PTPRG: variants seen among roughly 807,000 people sequenced by gnomAD.
PTPRG encodes the protein protein tyrosine phosphatase receptor type G, also known as receptor-type tyrosine-protein phosphatase gamma.
Under a neutral mutation model 165.3 loss-of-function variants are expected in PTPRG, and 102 were observed. The ratio of observed to expected loss-of-function variants is 0.62; its 90% confidence interval spans 0.53 to 0.73. The LOEUF (loss-of-function observed/expected upper bound fraction) is 0.73. Among genes scored for constraint, PTPRG ranks in the 30% least tolerant of loss-of-function variants. PTPRG has a pLI of 0.00. For synonymous variants in PTPRG, 675 were observed against 669.5 expected, an observed-to-expected ratio of 1.01 and a Z score of -0.13; for missense variants, 1,866 against 1,861.4, an observed-to-expected ratio of 1.00 and a Z score of -0.05.
intron 2 of PTPRG, among the ~76,000 whole-genome samples, chr3:61,890,864 T>C (rs1031383707): frequency 2.0e-5 from 3 of 152,218 alleles, no homozygotes; most frequent in African/African-American, 4.8e-5. Context: ...CTACAAATAA[T>C]GTTTTGTTAC....
intron 2 of PTPRG, among the ~76,000 whole-genome samples, chr3:61,795,464 A>G (rs576726493): frequency 8.8e-4 from 133 of 151,790 alleles, no homozygotes; most frequent in African/African-American, 3.2e-3. Flanking sequence ...ACATGGTGAA[A>G]CCCCATCTCT....
At chr3:61,620,316 A>G (rs1701414380) in intron 1 of PTPRG, among the ~76,000 whole-genome samples, 1 of 152,186 alleles carries the variant, frequency 6.6e-6, no homozygotes. Flanking sequence ...TAATCTTTCA[A>G]AAAAAATTTT....
At chr3:62,162,999 C>T (rs1027312098) in intron 7 of PTPRG, among the ~76,000 whole-genome samples, 1 of 152,144 alleles carries the variant, frequency 6.6e-6, no homozygotes, top group Non-Finnish European at 1.5e-5. Flanking sequence ...AGGAAACTTA[C>T]AATCATGGCG....
At chr3:61,613,426 T>C (rs898966683) in intron 1 of PTPRG, among the ~76,000 whole-genome samples, 8 of 152,202 alleles carry the variant, frequency 5.3e-5, no homozygotes, top group Non-Finnish European at 7.3e-5. Flanking sequence ...AGCACTGCTG[T>C]CACAATTAAA....
intron 1 of PTPRG, among the ~76,000 whole-genome samples, chr3:61,590,545 TA>T (rs1700544087): frequency 1.3e-5 from 2 of 151,896 alleles, no homozygotes; most frequent in South Asian, 2.1e-4. Flanking sequence ...GTATAATACA[TA>T]AATACGTTTT....
intron 5 of PTPRG, among the ~76,000 whole-genome samples, chr3:62,093,193 A>G (rs2661884): frequency 0.2 from 29,891 of 152,118 alleles, 2,981 homozygotes; most frequent in South Asian, 0.28. Context: ...AGATCCCTTG[A>G]GGTCCCTTAA....
Position 61,979,983 on chromosome 3 carries a change from C to T in PTPRG, c.191-9642C>T, listed in dbSNP as rs539341007. Among the ~76,000 whole-genome samples, 332 of 152,018 alleles carry T rather than the reference C, an allele frequency of 2.2e-3. 2 individuals are homozygous for T. The highest frequency in any genetic ancestry group is 7.7e-3 in the African/African-American group (321 of 41,448). On this transcript the variant is annotated intron_variant, in intron 2 of 29. Coordinates refer to ENST00000474889, the MANE Select transcript of PTPRG (RefSeq NM_002841.4). ...GTCAGTGGGTAGGTATACAGACCCT[C>T]AGCCCTCCTAAACACCAAACTCCCA... is the stretch of plus-strand genomic sequence containing the variant.
At chr3:62,208,892 A>G (rs1700291529) in intron 12 of PTPRG, among the ~76,000 whole-genome samples, 1 of 152,204 alleles carries the variant, frequency 6.6e-6, no homozygotes, top group South Asian at 2.1e-4. Flanking sequence ...TGAATGTCGT[A>G]CTTTGTTGCT....
rs1199627841 is a variant in PTPRG at position 62,183,330 on chromosome 3, G to A, written c.1034-8139G>A. Reference sequence around the variant, plus strand: ...TGTAATCTCAACACTTTGAGAGGCCGAAGTGGGTGGATCACTTGAGGTCAG... The same window carrying A: ...TGTAATCTCAACACTTTGAGAGGCCAAAGTGGGTGGATCACTTGAGGTCAG... On this transcript the variant is annotated intron_variant, in intron 8 of 29. Coordinates refer to ENST00000474889, the MANE Select transcript of PTPRG (RefSeq NM_002841.4). Among the ~76,000 whole-genome samples the A allele has an allele frequency of 2.6e-5, 4 of 152,132 alleles. No individual in the cohort carries two copies. In the East Asian group the frequency reaches 5.8e-4, roughly 22 times the overall value.
chr3:61,603,554 A>G (rs879767538), intron 1 of PTPRG, among the ~76,000 whole-genome samples: 6 of 152,190 alleles, frequency 3.9e-5, no homozygotes, highest in Non-Finnish European at 4.4e-5. Context: ...TAGCAATGCA[A>G]TCATGGCCTA....
In PTPRG at chr3:62,191,470, T is replaced by C; in HGVS notation, c.1035T>C (p.Val345=). 6.2e-7 allele frequency: 1 copy of C among 1,613,390 alleles called. No homozygotes were observed. The highest frequency in any genetic ancestry group is 8.5e-7 in the Non-Finnish European group (1 of 1,179,828). The part of the protein sequence containing the change: ...ENPLGTEASK[V]CSSPPIHMKV... ...GAGCTGAGCCCTGTGTATCTTCAGT[T>C]TGCAGCTCTCCACCCATCCACATGA... The change falls in exon 9 of 30, where the codon GTT becomes GTC. Residue 345 remains valine (V), a splice_region_variant and synonymous_variant. Transcript: ENST00000474889.
chr3:61,987,179 T>C (rs1012272867), intron 2 of PTPRG, among the ~76,000 whole-genome samples: 8 of 152,162 alleles, frequency 5.3e-5, no homozygotes, highest in African/African-American at 1.9e-4. Context: ...AAGGCAAGGG[T>C]GTCTGAAGCA....
At position 61,604,300 on chromosome 3, in the gene PTPRG, G is replaced by A. The variant is rs142224279; in HGVS notation, c.85+41928G>A. Among the ~76,000 whole-genome samples, 590 of 152,338 alleles carry A rather than the reference G, an allele frequency of 3.9e-3. 3 individuals are homozygous for A. Among genetic ancestry groups the A allele is most frequent in the African/African-American group, 0.013 (555 of 41,578 alleles). ...GATTGCACCACTGCACTCCAACCTA[G>A]GTGACAGGGTGAGACTCCGTCTCAA... On this transcript the variant is annotated intron_variant, in intron 1 of 29. Coordinates refer to ENST00000474889, the MANE Select transcript of PTPRG (RefSeq NM_002841.4).
intron 2 of PTPRG, among the ~76,000 whole-genome samples, chr3:61,799,786 A>C (rs1322385724): frequency 6.6e-6 from 1 of 152,206 alleles, no homozygotes; most frequent in Non-Finnish European, 1.5e-5. Flanking sequence ...CACTATGTGC[A>C]GCTCACACTT....
chr3:62,267,384 C>T (rs369016740), intron 17 of PTPRG, 26 bp from the exon 18 acceptor site: 3 of 1,490,244 alleles, frequency 2.0e-6, no homozygotes, highest in Non-Finnish European at 2.8e-6. Flanking sequence ...CATTTTATTT[C>T]TGTTTTTTTT....
intron 1 of PTPRG, among the ~76,000 whole-genome samples, chr3:61,585,323 G>A (rs1228111115): frequency 1.3e-5 from 2 of 151,366 alleles, no homozygotes; most frequent in African/African-American, 4.9e-5. Flanking sequence ...AGAAAATAGG[G>A]GAATAATTCA....
At chr3:61,738,856 C>T (rs2032867257) in intron 1 of PTPRG, among the ~76,000 whole-genome samples, 1 of 152,008 alleles carries the variant, frequency 6.6e-6, no homozygotes, top group Admixed American at 6.6e-5. Flanking sequence ...CTCATGGCAA[C>T]CTCAGACTCC....
intron 5 of PTPRG, among the ~76,000 whole-genome samples, chr3:62,083,352 C>G (rs1257338221): frequency 6.6e-6 from 1 of 152,086 alleles, no homozygotes; most frequent in African/African-American, 2.4e-5. Context: ...GCTCCTGCCT[C>G]TGCCTCCCTA....
chr3:62,191,317 T>TTA (rs1200667529), intron 8 of PTPRG, 152 bp from the exon 9 acceptor site: 2 of 626,962 alleles, frequency 3.2e-6, no homozygotes, highest in African/African-American at 3.7e-5. Context: ...CCTCTCTCTC[T>TTA]ACACACACAA....
Sources: allele counts gnomAD v4.1 joint callset (sites outside exome capture counted in the v4.1 genomes callset), GRCh38; gene constraint gnomAD v4.1.1; transcripts MANE v1.5; gene names NCBI Gene and HGNC (gene_info 2026-07-23, HGNC 2026-07-21).